Variants in PRSS2 observed in about 807,000 individuals in gnomAD.
PRSS2 encodes the protein trypsin-2.
A neutral mutation model predicts 19.2 loss-of-function variants in PRSS2; 19 were observed. The observed-to-expected ratio is 0.99, with a 90% CI of 0.69 to 1.45. The LOEUF (loss-of-function observed/expected upper bound fraction) is 1.45. Among genes scored for constraint, PRSS2 ranks in the 40% most tolerant of loss-of-function variants. The probability of loss-of-function intolerance (pLI) is 0.00; values close to 1 mark genes in which losing one functional copy is unlikely to be tolerated. For synonymous variants in PRSS2, 107 were observed against 117.5 expected (o/e 0.91, Z 0.58); for missense variants, 288 against 294.4 (o/e 0.98, Z 0.16).
intron 1 of PRSS2, among the ~76,000 whole-genome samples, chr7:142,771,622 T>C (rs527563608): frequency 6.6e-6 from 1 of 151,944 alleles, no homozygotes; most frequent in African/African-American, 2.4e-5. Context: ...GGGAAACTGG[T>C]CATGGCCAAG....
intron 4 of PRSS2, 133 bp downstream of exon 4, chr7:142,774,188 C>A (rs1351590172): frequency 2.6e-5 from 31 of 1,213,326 alleles, no homozygotes; most frequent in Middle Eastern, 3.8e-4. Context: ...AGGAAGACTC[C>A]TTTGGGCTGC....
intron 3 of PRSS2, 96 bp from the exon 4 acceptor site, chr7:142,773,823 G>C (rs1276520949): frequency 6.0e-6 from 9 of 1,500,576 alleles, no homozygotes; most frequent in Non-Finnish European, 8.3e-6. Flanking sequence ...TCCTCTCCAG[G>C]GGCAGTGTTC....
intron 2 of PRSS2, 48 bp downstream of exon 2, chr7:142,772,256 G>C (rs555857767): frequency 6.2e-7 from 1 of 1,600,490 alleles, no homozygotes; most frequent in Non-Finnish European, 8.6e-7. Context: ...GGCTGCCTGG[G>C]AGAGCTTGGA....
rs1292557686 is a variant in PRSS2, at chr7:142,773,492, G to T, written c.427G>T (p.Gly143Cys). 2.5e-6 allele frequency: 4 copies of T among 1,593,002 alleles called. No individual in the cohort carries two copies. Among genetic ancestry groups the T allele is most frequent in the South Asian group, 1.1e-5 (1 of 90,154 alleles). The change falls in exon 3 of 5, where the codon GGC (glycine) becomes TGC (cysteine). Residue 143 changes from glycine (G) to cysteine (C), a missense_variant. Physicochemically the swap from Gly to Cys is radical, Grantham distance 159. Coordinates refer to ENST00000539842, the MANE Select transcript of PRSS2 (RefSeq NM_002770.4). Reference protein sequence around the residue: ...PAAGTESLISGWGNTLSSGAD... With the variant: ...PAAGTESLISCWGNTLSSGAD... Reference sequence around the variant, plus strand: ...TGCTGGCACCGAGTCCCTCATCTCCGGCTGGGGCAACACTCTGAGTTCTGG... The same window carrying T: ...TGCTGGCACCGAGTCCCTCATCTCCTGCTGGGGCAACACTCTGAGTTCTGG...
intron 2 of PRSS2, chr7:142,772,516 C>T (rs959160573): frequency 3.9e-5 from 25 of 645,956 alleles, no homozygotes; most frequent in Admixed American, 1.9e-4. Context: ...TTAAAGCCAC[C>T]TAAGAATGAG....
chr7:142,773,295 A>G lies in PRSS2; in HGVS notation c.230A>G (p.Asn77Ser), dbSNP rs1554506543. 4 of 1,614,124 alleles carry G rather than the reference A, an allele frequency of 2.5e-6. No individual in the cohort carries two copies. Among genetic ancestry groups the G allele is most frequent in the Non-Finnish European group, 3.4e-6 (4 of 1,180,054 alleles). ...ATCCAGGTGAGACTGGGAGAGCACA[A>G]CATCGAAGTCCTGGAGGGGAATGAA... The part of the protein sequence containing the change: ...SRIQVRLGEH[N>S]IEVLEGNEQF... Residue 77 changes from asparagine (N) to serine (S), a missense_variant, in exon 3 of 5, where the codon AAC (asparagine) becomes AGC (serine). Physicochemically the swap from Asn to Ser is conservative, Grantham distance 46 (BLOSUM62 1). Transcript: ENST00000539842.
chr7:142,774,067 C>G lies in PRSS2; in HGVS notation c.591+12C>G, dbSNP rs753112101. On this transcript the variant is annotated intron_variant, in intron 4 of 4. Coordinates refer to ENST00000539842, the MANE Select transcript of PRSS2 (RefSeq NM_002770.4). Reference sequence around the variant, plus strand: ...AGGATTCCTGCCAGGTGATTTGACCCCTTCCCATGCTGAGGCTCCCACTGA... The same window carrying G: ...AGGATTCCTGCCAGGTGATTTGACCGCTTCCCATGCTGAGGCTCCCACTGA... The G allele has an allele frequency of 7.0e-6, 11 of 1,582,090 alleles. No homozygotes were observed. Among genetic ancestry groups the G allele is most frequent in the African/African-American group, 4.0e-5 (3 of 74,240 alleles).
intron 1 of PRSS2, 89 bp from the exon 2 acceptor site, chr7:142,771,960 T>C: frequency 6.3e-7 from 1 of 1,587,416 alleles, no homozygotes; most frequent in Non-Finnish European, 8.6e-7. Flanking sequence ...TTGTTAAGGT[T>C]TTCTAATTAG....
chr7:142,772,711 T>A, intron 2 of PRSS2: 1 of 544,290 alleles, frequency 1.8e-6, no homozygotes, highest in Non-Finnish European at 3.2e-6. Flanking sequence ...CAGAACTCCC[T>A]GCAGGCTTGT....
In PRSS2 at chr7:142,772,092, C is replaced by T. The variant is rs768919262; in HGVS notation, c.84C>T (p.Tyr28=). ...FDDDDKIVGG[Y]ICEENSVPYQ... is the part of the protein sequence containing the mutation. ...ATGATGACAAGATCGTTGGGGGCTA[C>T]ATCTGTGAGGAGAATTCTGTCCCCT... Residue 28 remains tyrosine, a synonymous_variant, in exon 2 of 5, where the codon TAC becomes TAT. Transcript: ENST00000539842. 2 of 1,613,810 alleles carry T rather than the reference C, an allele frequency of 1.2e-6. No homozygotes were observed.
chr7:142,771,166 G>A, intron 1 of PRSS2, 144 bp downstream of exon 1: 3 of 486,788 alleles, frequency 6.2e-6, no homozygotes, highest in Non-Finnish European at 1.1e-5. Flanking sequence ...ATCCTCCTTG[G>A]GCTCTTTTTA....
intron 1 of PRSS2, 35 bp from the exon 2 acceptor site, chr7:142,772,014 C>T (rs1369680007): frequency 7.4e-6 from 12 of 1,613,760 alleles, no homozygotes; most frequent in South Asian, 1.1e-5. Flanking sequence ...TAACATGCTA[C>T]TGACTTGCCT....
chr7:142,772,479 C>T (rs796974676), intron 2 of PRSS2: 2 of 492,344 alleles, frequency 4.1e-6, no homozygotes, highest in Admixed American at 3.0e-5. Context: ...GAAGAGCAGG[C>T]TAGTACTTTT....
rs1563287439 is a variant in PRSS2 at position 142,773,275 on chromosome 7, G to A, written c.210G>A (p.Gln70=). ...CTGCCCTGCCCATCAGCCGCATCCAGGTGAGACTGGGAGAGCACAACATCG... is the reference window on the plus strand; with the variant it reads ...CTGCCCTGCCCATCAGCCGCATCCAAGTGAGACTGGGAGAGCACAACATCG... ...SAGHCYKSRI[Q]VRLGEHNIEV... is the part of the protein sequence containing the mutation. Residue 70 remains glutamine, a synonymous_variant, in exon 3 of 5, where the codon CAG becomes CAA. Transcript: ENST00000539842. 1.2e-6 allele frequency: 2 copies of A among 1,614,104 alleles called. No homozygotes were observed. Among genetic ancestry groups the A allele is most frequent in the Non-Finnish European group, 1.7e-6 (2 of 1,180,054 alleles).
Position 142,773,825 on chromosome 7 carries a change from G to T in PRSS2, c.455-94G>T, listed in dbSNP as rs1345929915. 9 of 1,502,286 alleles carry T rather than the reference G, an allele frequency of 6.0e-6. No homozygotes were observed. In the East Asian group the frequency reaches 1.8e-4, roughly 30 times the overall value. The allele number at this position is 1,502,286 out of a possible 1,614,324, so 93.1% of individuals were successfully genotyped here. Reference sequence around the variant, plus strand: ...TTATGTTTTGGAGTCCTCTCCAGGGGCAGTGTTCCTCTTCAATGTTCCATC... The same window carrying T: ...TTATGTTTTGGAGTCCTCTCCAGGGTCAGTGTTCCTCTTCAATGTTCCATC... On this transcript the variant is annotated intron_variant, in intron 3 of 4. Transcript: ENST00000539842.
chr7:142,774,299 T>C (rs1800260208), intron 4 of PRSS2, 57 bp from the exon 5 acceptor site: 2 of 1,050,372 alleles, frequency 1.9e-6, no homozygotes, highest in African/African-American at 1.5e-5. Flanking sequence ...AGAGCAAATG[T>C]AGGTGTATTC....
rs1800120559 is a variant in PRSS2 at position 142,773,322 on chromosome 7, A to T, written c.257A>T (p.Gln86Leu). The T allele has an allele frequency of 1.2e-6, 2 of 1,613,978 alleles. No individual in the cohort carries two copies. The highest frequency in any genetic ancestry group is 1.3e-5 in the African/African-American group (1 of 74,952). Residue 86 changes from glutamine to leucine, a missense_variant, in exon 3 of 5, where the codon CAG becomes CTG. Physicochemically the swap from Gln to Leu is moderately radical, Grantham distance 113. Transcript: ENST00000539842. ...HNIEVLEGNE[Q>L]FINAAKIIRH... ...ATCGAAGTCCTGGAGGGGAATGAAC[A>T]GTTCATCAATGCGGCCAAGATCATC...
Position 142,773,973 on chromosome 7 carries a change from A to T in PRSS2, c.509A>T (p.Glu170Val). 6.2e-7 allele frequency: 1 copy of T among 1,611,714 alleles called. No individual in the cohort carries two copies. Residue 170 changes from glutamate to valine, a missense_variant, in exon 4 of 5, where the codon GAG (glutamate) becomes GTG (valine). Glu to Val is a moderately radical substitution (Grantham distance 121). Transcript: ENST00000539842. ...GATGCTCCTGTGCTGAGCCAGGCTG[A>T]GTGTGAAGCCTCCTACCCTGGAAAG... ...CLDAPVLSQA[E>V]CEASYPGKIT... is the part of the protein sequence containing the mutation.
rs774121946 is a variant in PRSS2 at position 142,772,159 on chromosome 7, T to G, written c.151T>G (p.Ser51Ala). The G allele has an allele frequency of 2.7e-5, 44 of 1,613,744 alleles. No homozygotes were observed. Among genetic ancestry groups the G allele is most frequent in the East Asian group, 1.3e-4 (6 of 44,890 alleles). The change falls in exon 2 of 5, where the codon TCC (serine) becomes GCC (alanine). Residue 51 changes from serine to alanine, a missense_variant. Physicochemically the swap from Ser to Ala is moderately conservative, Grantham distance 99. Transcript: ENST00000539842. Reference sequence around the variant, plus strand: ...TTCTGGCTACCACTTCTGCGGTGGCTCCCTCATCAGCGAACAGTGGGTGGT... The same window carrying G: ...TTCTGGCTACCACTTCTGCGGTGGCGCCCTCATCAGCGAACAGTGGGTGGT... ...LNSGYHFCGG[S>A]LISEQWVVSA...
Sources: gnomAD v4.1 joint callset for allele counts (sites outside exome capture counted in the v4.1 genomes callset) on GRCh38, gnomAD v4.1.1 for gene constraint, MANE v1.5 for transcripts, NCBI Gene and HGNC (gene_info 2026-07-23, HGNC 2026-07-21) for gene names.